Variants in CNTNAP2 observed in about 807,000 individuals in gnomAD.
CNTNAP2 encodes contactin-associated protein-like 2.
CNTNAP2 carries 98 observed loss-of-function variants against 155.2 expected under a neutral mutation model. The ratio of observed to expected loss-of-function variants is 0.63; its 90% confidence interval spans 0.54 to 0.75. The LOEUF is 0.75. CNTNAP2 is among the 30% of genes least tolerant of loss of function. The probability of loss-of-function intolerance (pLI) is 0.00; values close to 1 mark genes in which losing one functional copy is unlikely to be tolerated. For synonymous variants in CNTNAP2, 651 were observed against 631.2 expected, an observed-to-expected ratio of 1.03 and a Z score of -0.47; for missense variants, 1,727 against 1,688.1, an observed-to-expected ratio of 1.02 and a Z score of -0.40.
At chr7:147,968,182 C>T (rs1801258033) in intron 14 of CNTNAP2, among the ~76,000 whole-genome samples, 1 of 152,168 alleles carries the variant, frequency 6.6e-6, no homozygotes, top group Admixed American at 6.5e-5. Flanking sequence ...AGGGAACTTG[C>T]TTTCCAGAAA....
intron 13 of CNTNAP2, among the ~76,000 whole-genome samples, chr7:147,780,120 G>C (rs1797641926): frequency 6.6e-6 from 1 of 152,194 alleles, no homozygotes; most frequent in African/African-American, 2.4e-5. Flanking sequence ...TCTAGAGGAT[G>C]AGACAGAATA....
At chr7:147,511,645 C>CT (rs1799024576) in intron 11 of CNTNAP2, among the ~76,000 whole-genome samples, 1 of 151,876 alleles carries the variant, frequency 6.6e-6, no homozygotes, top group African/African-American at 2.4e-5. Context: ...AGAAAGGAGA[C>CT]TAAAAACAGA....
intron 9 of CNTNAP2, among the ~76,000 whole-genome samples, chr7:147,366,272 A>G (rs1796228202): frequency 6.6e-6 from 1 of 152,074 alleles, no homozygotes; most frequent in Non-Finnish European, 1.5e-5. Flanking sequence ...TTTTGCCTCC[A>G]CTTGAGCCTT....
chr7:148,061,987 ATAG>A, intron 15 of CNTNAP2, among the ~76,000 whole-genome samples: 1 of 137,266 alleles, frequency 7.3e-6, no homozygotes, highest in Non-Finnish European at 1.5e-5. Flanking sequence ...AGATAGATAG[ATAG>A]ATAGATAGAT....
At chr7:146,860,628 A>G (rs1002482224) in intron 3 of CNTNAP2, among the ~76,000 whole-genome samples, 1 of 152,202 alleles carries the variant, frequency 6.6e-6, no homozygotes, top group African/African-American at 2.4e-5. Flanking sequence ...AGGATAGTCT[A>G]TTGTGGAAAA....
chr7:147,301,097 A>C (rs1477509420), intron 9 of CNTNAP2, among the ~76,000 whole-genome samples: 1 of 152,186 alleles, frequency 6.6e-6, no homozygotes, highest in African/African-American at 2.4e-5. Context: ...CAAGGGCATG[A>C]TTATAAAGAG....
At chr7:146,410,532 C>T (rs1340620141) in intron 1 of CNTNAP2, among the ~76,000 whole-genome samples, 2 of 151,980 alleles carry the variant, frequency 1.3e-5, no homozygotes, top group African/African-American at 4.8e-5. Flanking sequence ...CAGGGGGAGA[C>T]GTGCAGGCTT....
At chr7:148,227,648 G>C (rs1795877019) in intron 19 of CNTNAP2, among the ~76,000 whole-genome samples, 1 of 152,218 alleles carries the variant, frequency 6.6e-6, no homozygotes, top group Non-Finnish European at 1.5e-5. Context: ...AGGGAATTTA[G>C]ATAGATTTAG....
intron 2 of CNTNAP2, among the ~76,000 whole-genome samples, chr7:146,796,229 T>C (rs151330395): frequency 6.6e-6 from 1 of 152,298 alleles, no homozygotes; most frequent in Non-Finnish European, 1.5e-5. Flanking sequence ...CAGATTTGTA[T>C]GCTTGCTGTG....
At chr7:147,787,241 C>A (rs1797755236) in intron 13 of CNTNAP2, among the ~76,000 whole-genome samples, 1 of 152,130 alleles carries the variant, frequency 6.6e-6, no homozygotes, top group East Asian at 1.9e-4. Context: ...AGAATGCATC[C>A]CACTCAGCTG....
intron 1 of CNTNAP2, among the ~76,000 whole-genome samples, chr7:146,303,669 TAGG>T (rs1800654998): frequency 6.6e-6 from 1 of 152,060 alleles, no homozygotes; most frequent in Non-Finnish European, 1.5e-5. Context: ...TACATTTGCT[TAGG>T]AGTGCTTTAC....
chr7:147,967,681 G>A (rs1412567980), intron 14 of CNTNAP2, among the ~76,000 whole-genome samples: 2 of 152,166 alleles, frequency 1.3e-5, no homozygotes, highest in African/African-American at 4.8e-5. Context: ...GGGAGACTGT[G>A]TAGGACTACA....
chr7:146,970,036 T>C (rs1320411724), intron 3 of CNTNAP2, among the ~76,000 whole-genome samples: 2 of 152,178 alleles, frequency 1.3e-5, no homozygotes, highest in Admixed American at 1.3e-4. Flanking sequence ...GATCCCTTCC[T>C]TACACCTTAT....
Position 146,389,749 on chromosome 7 carries a change from G to A in CNTNAP2, c.97+272776G>A, listed in dbSNP as rs1584902198. Among the ~76,000 whole-genome samples, 4 of 140,158 alleles carry A rather than the reference G, an allele frequency of 2.9e-5. No individual in the cohort carries two copies. The Admixed American group carries it at 3.0e-4, about 11-fold the overall frequency. 91.9% of individuals were successfully genotyped at this position (140,158 alleles called of 152,430 possible). On this transcript the variant is annotated intron_variant, in intron 1 of 23. Coordinates refer to ENST00000361727, the MANE Select transcript of CNTNAP2 (RefSeq NM_014141.6). ...AGAGTCTTACTCTGTCACTCAGGCT[G>A]GAGTGCAGTGGCAAGATCTCAGCTC...
intron 1 of CNTNAP2, among the ~76,000 whole-genome samples, chr7:146,196,045 G>C (rs1798770552): frequency 6.6e-6 from 1 of 152,056 alleles, no homozygotes; most frequent in South Asian, 2.1e-4. Flanking sequence ...TGGTCTCTTT[G>C]TTTTTACAAA....
intron 9 of CNTNAP2, among the ~76,000 whole-genome samples, chr7:147,362,806 T>C (rs1176099215): frequency 6.6e-6 from 1 of 152,124 alleles, no homozygotes; most frequent in Admixed American, 6.5e-5. Flanking sequence ...TGAGCCTAAA[T>C]GGATAAAGAA....
At chr7:147,705,495 A>G (rs934649682) in intron 13 of CNTNAP2, among the ~76,000 whole-genome samples, 6 of 152,128 alleles carry the variant, frequency 3.9e-5, no homozygotes, top group Admixed American at 6.6e-5. Context: ...GAAATGTTCC[A>G]TGTACTGATG....
intron 13 of CNTNAP2, among the ~76,000 whole-genome samples, chr7:147,757,058 C>A (rs1462946251): frequency 6.6e-6 from 1 of 152,082 alleles, no homozygotes; most frequent in Non-Finnish European, 1.5e-5. Context: ...ACTTTGAGAC[C>A]GATGGAATAA....
intron 8 of CNTNAP2, among the ~76,000 whole-genome samples, chr7:147,148,161 C>A (rs1017351930): frequency 2.6e-5 from 4 of 151,738 alleles, no homozygotes; most frequent in Non-Finnish European, 4.4e-5. Context: ...GAGGCCGAGG[C>A]GGGCGGATCA....
Sources: allele counts gnomAD v4.1 joint callset (sites outside exome capture counted in the v4.1 genomes callset), GRCh38; gene constraint gnomAD v4.1.1; transcripts MANE v1.5; gene names NCBI Gene and HGNC (gene_info 2026-07-23, HGNC 2026-07-21).